The following SNX9 variants were observed in gnomAD, a reference collection of about 807,000 sequenced individuals.
SNX9 encodes sorting nexin-9.
In SNX9, 44 loss-of-function variants were observed where a neutral mutation model predicts 89.4. That is an observed-to-expected ratio of 0.49 (90% CI 0.39 to 0.63). The LOEUF is 0.63. Among genes scored for constraint, SNX9 ranks in the 30% least tolerant of loss-of-function variants. SNX9 has a pLI of 0.00. For missense variants in SNX9, 578 were observed against 736.1 expected, an observed-to-expected ratio of 0.79 and a Z score of 2.49; for synonymous variants, 236 against 247.8, an observed-to-expected ratio of 0.95 and a Z score of 0.45.
At position 157,932,255 on chromosome 6, in the gene SNX9, G is replaced by A; in HGVS notation, c.1349G>A (p.Ser450Asn). ...TTGCAGAGTTTGGCCACAGTGTTCA[G>A]TTCCAGTGGCTATCAAGGTGCGTCT... ...KALQSLATVF[S>N]SSGYQGETDL... is the part of the protein sequence containing the mutation. Residue 450 changes from serine to asparagine, a missense_variant, in exon 13 of 18, where the codon AGT becomes AAT. By Grantham distance (46) the Ser-to-Asn change is conservative. Coordinates refer to ENST00000392185, the MANE Select transcript of SNX9 (RefSeq NM_016224.5). 1 of 1,614,162 alleles carries A rather than the reference G, an allele frequency of 6.2e-7. No individual in the cohort carries two copies. Among genetic ancestry groups the A allele is most frequent in the Non-Finnish European group, 8.5e-7 (1 of 1,180,014 alleles).
intron 4 of SNX9, among the ~76,000 whole-genome samples, chr6:157,884,916 TA>T (rs1180500548): frequency 1.3e-5 from 2 of 152,216 alleles, no homozygotes; most frequent in Non-Finnish European, 2.9e-5. Context: ...AGCATTGTTA[TA>T]CGTACATCCT....
intron 2 of SNX9, among the ~76,000 whole-genome samples, chr6:157,868,662 C>T (rs1782322110): frequency 6.6e-6 from 1 of 152,140 alleles, no homozygotes; most frequent in African/African-American, 2.4e-5. Context: ...TTACATGTAA[C>T]TTTATTGTAA....
chr6:157,892,104 GA>G lies in SNX9; in HGVS notation c.301-4720del, dbSNP rs1203497589. 2.6e-5 allele frequency among the ~76,000 whole-genome samples: 4 copies of G among 152,248 alleles called. No homozygotes were observed. In the East Asian group the frequency reaches 7.7e-4, roughly 29 times the overall value. On this transcript the variant is annotated intron_variant, in intron 4 of 17. Coordinates refer to ENST00000392185, the MANE Select transcript of SNX9 (RefSeq NM_016224.5). ...AAGAGGATGAAGATGCTGCTCAGTA[GA>G]AAGGAAGAGGAGGGAAAGGTGGAAG...
Position 157,943,951 on chromosome 6 carries a change from A to C in SNX9, c.*1113A>C, listed in dbSNP as rs755595935. On this transcript the variant is annotated 3_prime_UTR_variant, in exon 18 of 18. Transcript: ENST00000392185. ...AAGGGCTGCAGCCTCAGCAGTGTAC[A>C]GAGTCCCCGGCGCTCTGAGGTTGGA... 3.9e-5 allele frequency: 6 copies of C among 152,164 alleles called. No individual in the cohort carries two copies. The highest frequency in any genetic ancestry group is 1.4e-4 in the African/African-American group (6 of 41,380). The allele number at this position is 152,164 out of a possible 1,614,324, so 9.4% of individuals were successfully genotyped here.
At chr6:157,845,081 C>T (rs910849414) in intron 1 of SNX9, among the ~76,000 whole-genome samples, 31 of 150,108 alleles carry the variant, frequency 2.1e-4, no homozygotes, top group African/African-American at 7.3e-4. Flanking sequence ...CTTCAGCCAC[C>T]GCACCTGGCC....
intron 2 of SNX9, among the ~76,000 whole-genome samples, chr6:157,868,371 A>G (rs1225588214): frequency 6.6e-6 from 1 of 152,206 alleles, no homozygotes; most frequent in Non-Finnish European, 1.5e-5. Flanking sequence ...TCATCTTCAG[A>G]TGTGTGTCTC....
At chr6:157,907,474 CG>C (rs909441848) in intron 7 of SNX9, among the ~76,000 whole-genome samples, 2 of 152,098 alleles carry the variant, frequency 1.3e-5, no homozygotes, top group African/African-American at 4.8e-5. Flanking sequence ...ATAGTAGAGA[CG>C]GGGTTTCACC....
chr6:157,841,332 G>A (rs1258525682), intron 1 of SNX9, among the ~76,000 whole-genome samples: 2 of 152,156 alleles, frequency 1.3e-5, no homozygotes, highest in African/African-American at 4.8e-5. Context: ...GATTAGGAGA[G>A]GCACAAGATA....
intron 9 of SNX9, among the ~76,000 whole-genome samples, chr6:157,918,846 G>T (rs1783525436): frequency 2.6e-5 from 4 of 151,866 alleles, no homozygotes; most frequent in South Asian, 4.1e-4. Flanking sequence ...GTAAAATAAA[G>T]AAATTTTTCT....
At chr6:157,858,693 G>C (rs998045246) in intron 1 of SNX9, among the ~76,000 whole-genome samples, 2 of 152,216 alleles carry the variant, frequency 1.3e-5, no homozygotes, top group African/African-American at 2.4e-5. Context: ...AAAGAAAAGA[G>C]ATTTAATGGA....
chr6:157,938,707 C>T lies in SNX9; in HGVS notation c.1608C>T (p.Asn536=). ...TSKITLQDKQ[N]MVKRVSIMSY... is the part of the protein sequence containing the mutation. The stretch of plus-strand genomic sequence containing the variant: ...AAATCACCCTACAAGACAAACAGAA[C>T]ATGGTGAAGAGAGTCAGCATCATGT... Residue 536 remains asparagine (N), a synonymous_variant, in exon 16 of 18, where the codon AAC becomes AAT. Coordinates refer to ENST00000392185, the MANE Select transcript of SNX9 (RefSeq NM_016224.5). 6.2e-7 allele frequency: 1 copy of T among 1,614,020 alleles called. No homozygotes were observed. The highest frequency in any genetic ancestry group is 1.7e-5 in the Admixed American group (1 of 60,016).
Position 157,944,420 on chromosome 6 carries a change from AT to A in SNX9, c.*1584del, listed in dbSNP as rs1413000778. 1 of 152,656 alleles carries A rather than the reference AT, an allele frequency of 6.6e-6. No individual in the cohort carries two copies. Among genetic ancestry groups the A allele is most frequent in the African/African-American group, 2.4e-5 (1 of 41,456 alleles). 9.5% of individuals were successfully genotyped at this position (152,656 alleles called of 1,614,324 possible). A position where few individuals can be genotyped will look rare whatever the true frequency, so the allele number is the denominator to read the frequency against. ...CTATAGCCATTTAATATATGTACAA[AT>A]TGTAAAGAATATGTATAAATGTTTT... On this transcript the variant is annotated 3_prime_UTR_variant, in exon 18 of 18. Coordinates refer to ENST00000392185, the MANE Select transcript of SNX9 (RefSeq NM_016224.5).
Position 157,823,473 on chromosome 6 carries a change from C to T in SNX9, c.12+27C>T, listed in dbSNP as rs1781277259. 4 of 1,191,486 alleles carry T rather than the reference C, an allele frequency of 3.4e-6. No individual in the cohort carries two copies. Among genetic ancestry groups the T allele is most frequent in the South Asian group, 7.4e-5 (2 of 26,886 alleles). 73.8% of individuals were successfully genotyped at this position (1,191,486 alleles called of 1,614,324 possible). On this transcript the variant is annotated intron_variant, in intron 1 of 17. Coordinates refer to ENST00000392185, the MANE Select transcript of SNX9 (RefSeq NM_016224.5). This position sits in a 1 kb window ranked among gnomAD's most constrained non-coding sequence, Gnocchi z 4.6. ...TGAGGGGCGCGCGGCGCAGGCCGGG[C>T]CGGTCGCTCAGGCCCGGGGCGGCGC...
Position 157,944,049 on chromosome 6 carries a change from T to C in SNX9, c.*1211T>C, listed in dbSNP as rs982969724. The stretch of plus-strand genomic sequence containing the variant: ...ACAGGGTGTTTCTGAGCACCAGCAC[T>C]TCCAGCGCTTCACTTAACGGCATAA... On this transcript the variant is annotated 3_prime_UTR_variant, in exon 18 of 18. Transcript: ENST00000392185. 6.6e-6 allele frequency: 1 copy of C among 152,290 alleles called. No homozygotes were observed. The highest frequency in any genetic ancestry group is 1.5e-5 in the Non-Finnish European group (1 of 68,086). 9.4% of individuals were successfully genotyped at this position (152,290 alleles called of 1,614,324 possible). A position where few individuals can be genotyped will look rare whatever the true frequency, so the allele number is the denominator to read the frequency against.
chr6:157,848,116 TCTC>T (rs1362513450), intron 1 of SNX9, among the ~76,000 whole-genome samples: 1 of 152,330 alleles, frequency 6.6e-6, no homozygotes, highest in Admixed American at 6.5e-5. Context: ...GATGGCTGTG[TCTC>T]CTCCTAAAAC....
intron 1 of SNX9, among the ~76,000 whole-genome samples, chr6:157,843,527 A>G (rs1781743308): frequency 6.6e-6 from 1 of 152,230 alleles, no homozygotes; most frequent in South Asian, 2.1e-4. Context: ...TTGTCTTCAC[A>G]TTGAGTAGGT....
chr6:157,839,777 T>C (rs1022520229), intron 1 of SNX9, among the ~76,000 whole-genome samples: 1 of 152,184 alleles, frequency 6.6e-6, no homozygotes. Flanking sequence ...CAGTCTCCTC[T>C]TTAGGCCTTT....
chr6:157,847,998 C>G (rs1448065798), intron 1 of SNX9, among the ~76,000 whole-genome samples: 1 of 152,176 alleles, frequency 6.6e-6, no homozygotes, highest in African/African-American at 2.4e-5. Context: ...CTGTTCCTCA[C>G]TGGCAAGACC....
chr6:157,843,292 A>G (rs188165976), intron 1 of SNX9, among the ~76,000 whole-genome samples: 333 of 152,300 alleles, frequency 2.2e-3, no homozygotes, highest in African/African-American at 7.7e-3. Flanking sequence ...CCAGTTGAAA[A>G]TTAAAGTATA....
Sources: allele counts gnomAD v4.1 joint callset (sites outside exome capture counted in the v4.1 genomes callset), GRCh38; gene constraint gnomAD v4.1.1; non-coding constraint Gnocchi (gnomAD v3.1); transcripts MANE v1.5; gene names NCBI Gene and HGNC (gene_info 2026-07-23, HGNC 2026-07-21).